NSUN6: variants seen among roughly 807,000 people sequenced by gnomAD.
NSUN6 encodes tRNA (cytosine(72)-C(5))-methyltransferase NSUN6.
In NSUN6, 64 loss-of-function variants were observed where a neutral mutation model predicts 58.0. The ratio of observed to expected loss-of-function variants is 1.10; its 90% CI spans 0.90 to 1.36. The LOEUF (loss-of-function observed/expected upper bound fraction) is 1.36, where lower values mean the gene tolerates loss of function less well. Ranked by LOEUF, NSUN6 falls within the 40% of genes most tolerant of loss-of-function variation. The pLI is 0.00. For synonymous variants in NSUN6, 231 were observed against 193.9 expected, an observed-to-expected ratio of 1.19 and a Z score of -1.59; for missense variants, 701 against 550.1, an observed-to-expected ratio of 1.27 and a Z score of -2.74.
intron 3 of NSUN6, among the ~76,000 whole-genome samples, chr10:18,618,450 G>A (rs762196451): frequency 1.3e-5 from 2 of 152,050 alleles, no homozygotes; most frequent in Non-Finnish European, 2.9e-5. Context: ...TGGAGGCTGA[G>A]GTGGGTGGAT....
chr10:18,648,368 G>C, intron 2 of NSUN6, 122 bp downstream of exon 2: 1 of 585,438 alleles, frequency 1.7e-6, no homozygotes, highest in Non-Finnish European at 3.0e-6. Context: ...TACCATTCAT[G>C]GTCCTCAATC....
chr10:18,634,693 C>T (rs1191585666), intron 3 of NSUN6, among the ~76,000 whole-genome samples: 2 of 151,780 alleles, frequency 1.3e-5, no homozygotes, highest in South Asian at 2.1e-4. Flanking sequence ...ACCCAGGAGG[C>T]GGAGCTTGCA....
At chr10:18,652,397 T>A (rs2059724831), upstream of NSUN6, 1 of 983,984 alleles carries the variant, frequency 1.0e-6, no homozygotes, top group African/African-American at 1.8e-5. Context: ...TAGGAAAGGG[T>A]TTTTTATTGT....
At chr10:18,562,089 G>T (rs981719229) in intron 8 of NSUN6, among the ~76,000 whole-genome samples, 2 of 150,530 alleles carry the variant, frequency 1.3e-5, no homozygotes, top group Admixed American at 6.6e-5. Context: ...AGTGGAGAAT[G>T]GAGTGGAATG....
At chr10:18,626,469 T>C (rs879716350) in intron 3 of NSUN6, among the ~76,000 whole-genome samples, 2 of 152,098 alleles carry the variant, frequency 1.3e-5, no homozygotes, top group Non-Finnish European at 2.9e-5. Flanking sequence ...TAATGGAAAG[T>C]CAAAAGAGAC....
At chr10:18,571,759 G>T (rs1230359647) in intron 8 of NSUN6, among the ~76,000 whole-genome samples, 1 of 136,572 alleles carries the variant, frequency 7.3e-6, no homozygotes, top group Non-Finnish European at 1.6e-5. Flanking sequence ...TCTGCATTCT[G>T]TTCCATTCTC....
At chr10:18,600,532 G>A (rs2057763665) in intron 6 of NSUN6, among the ~76,000 whole-genome samples, 1 of 152,026 alleles carries the variant, frequency 6.6e-6, no homozygotes, top group South Asian at 2.1e-4. Flanking sequence ...GGCTGAGGCA[G>A]GAAGATCACT....
intron 8 of NSUN6, among the ~76,000 whole-genome samples, chr10:18,556,735 TG>T (rs958914473): frequency 1.9e-4 from 29 of 149,762 alleles, no homozygotes; most frequent in African/African-American, 6.9e-4. Flanking sequence ...TGGATTGGAA[TG>T]GAATACAGAA....
At chr10:18,617,701 C>T (rs1251769656) in intron 3 of NSUN6, among the ~76,000 whole-genome samples, 1 of 152,044 alleles carries the variant, frequency 6.6e-6, no homozygotes, top group East Asian at 1.9e-4. Flanking sequence ...CTCAGTGTTA[C>T]GGTCTGGATG....
chr10:18,652,031 A>G (rs574995774), upstream of NSUN6: 33 of 985,420 alleles, frequency 3.3e-5, no homozygotes, highest in South Asian at 1.4e-3. Flanking sequence ...TCAGGCATAC[A>G]GATCTGACTT....
In NSUN6 at chr10:18,625,710, G is replaced by GT. The variant is rs372676582; in HGVS notation, c.312-9418dup. ...CCTGGGTGACAGAGTGAGACTATGT[G>GT]TTTTTTTTTTAAAAAAAAAAAAAAA... On this transcript the variant is annotated intron_variant, in intron 3 of 10. Transcript: ENST00000377304. 3.5e-3 allele frequency among the ~76,000 whole-genome samples: 216 copies of GT among 62,134 alleles called. 4 individuals carry two copies. The highest frequency in any genetic ancestry group is 8.1e-3 in the South Asian group (11 of 1,358). 40.8% of individuals were successfully genotyped at this position (62,134 alleles called of 152,430 possible).
At chr10:18,651,923 C>T (rs1200775352), upstream of NSUN6, 1 of 985,286 alleles carries the variant, frequency 1.0e-6, no homozygotes, top group Admixed American at 6.1e-5. Context: ...AAGGCACAGC[C>T]CAGTTGCTGT....
chr10:18,568,632 ATTCCATTCTCTT>A (rs1241642088), intron 8 of NSUN6, among the ~76,000 whole-genome samples: 1 of 147,578 alleles, frequency 6.8e-6, no homozygotes, highest in Non-Finnish European at 1.5e-5. Context: ...TCTCCATTCC[ATTCCATTCTCTT>A]TTCCATTCTA....
intron 7 of NSUN6, among the ~76,000 whole-genome samples, chr10:18,590,817 A>G: frequency 6.6e-6 from 1 of 152,198 alleles, no homozygotes; most frequent in East Asian, 1.9e-4. Context: ...AAGATCTGAA[A>G]TCGACACCCA....
intron 8 of NSUN6, among the ~76,000 whole-genome samples, chr10:18,567,655 C>A (rs905981052): frequency 2.7e-5 from 4 of 150,796 alleles, no homozygotes; most frequent in African/African-American, 7.3e-5. Context: ...CCATTCCATT[C>A]CTCATTGCAT....
intron 3 of NSUN6, among the ~76,000 whole-genome samples, chr10:18,629,848 G>T (rs943628172): frequency 3.4e-5 from 5 of 148,288 alleles, no homozygotes; most frequent in African/African-American, 1.2e-4. Flanking sequence ...AGATCAACGA[G>T]ACAGAAAGTC....
chr10:18,642,595 T>C (rs1284879258), intron 2 of NSUN6, 40 bp from the exon 3 acceptor site: 5 of 947,008 alleles, frequency 5.3e-6, no homozygotes, highest in Non-Finnish European at 8.5e-6. Flanking sequence ...ATCCATACAT[T>C]TGATACATTT....
chr10:18,557,888 A>G (rs1201175393), intron 8 of NSUN6, among the ~76,000 whole-genome samples: 2 of 151,632 alleles, frequency 1.3e-5, no homozygotes, highest in Admixed American at 1.3e-4. Context: ...ATGGAATGGA[A>G]TGAAATGAAG....
chr10:18,651,070 C>A, intron 1 of NSUN6, 59 bp downstream of exon 1: 2 of 1,565,342 alleles, frequency 1.3e-6, no homozygotes, highest in South Asian at 1.2e-5. Context: ...CTATTTCTCT[C>A]GAGTGTGCGA....
Sources: gnomAD v4.1 joint callset for allele counts (sites outside exome capture counted in the v4.1 genomes callset) on GRCh38, gnomAD v4.1.1 for gene constraint, MANE v1.5 for transcripts, NCBI Gene and HGNC (gene_info 2026-07-23, HGNC 2026-07-21) for gene names.